The following TRIM9 variants were observed in gnomAD, a reference collection of about 807,000 sequenced individuals.
The protein encoded by TRIM9 is tripartite motif containing 9, also known as E3 ubiquitin-protein ligase TRIM9.
A neutral mutation model predicts 78.3 loss-of-function variants in TRIM9; 26 were observed. The observed-to-expected ratio is 0.33, with a 90% CI of 0.24 to 0.46. The LOEUF (loss-of-function observed/expected upper bound fraction) is 0.46. TRIM9 is among the 20% of genes least tolerant of loss of function. The pLI is 1.00. For synonymous variants in TRIM9, 398 were observed against 416.5 expected (o/e 0.96, Z 0.54); for missense variants, 787 against 1,036.4 (o/e 0.76, Z 3.30).
chr14:50,978,765 T>G, intron 12 of TRIM9: 1 of 419,158 alleles, frequency 2.4e-6, no homozygotes, highest in Non-Finnish European at 3.1e-6. Flanking sequence ...TCTGTTTTTT[T>G]GTTTTTTTTT....
At chr14:51,027,704 A>G (rs2058375586) in intron 1 of TRIM9, among the ~76,000 whole-genome samples, 1 of 152,218 alleles carries the variant, frequency 6.6e-6, no homozygotes, top group Admixed American at 6.5e-5. Context: ...TTTCTCCTCA[A>G]TAACTATTAA....
intron 1 of TRIM9, among the ~76,000 whole-genome samples, chr14:51,053,396 A>C (rs1379935802): frequency 1.3e-5 from 2 of 151,642 alleles, no homozygotes; most frequent in African/African-American, 4.8e-5. Flanking sequence ...AGATGCTTCA[A>C]CTCAAATGCA....
At chr14:51,021,549 C>G (rs2057761987) in intron 3 of TRIM9, among the ~76,000 whole-genome samples, 1 of 152,156 alleles carries the variant, frequency 6.6e-6, no homozygotes, top group Non-Finnish European at 1.5e-5. Flanking sequence ...TCTGAACCAC[C>G]TTCATGTCCC....
At chr14:50,999,479 G>A (rs1168937865) in intron 6 of TRIM9, among the ~76,000 whole-genome samples, 2 of 152,134 alleles carry the variant, frequency 1.3e-5, no homozygotes, top group African/African-American at 4.8e-5. Flanking sequence ...CAACATATAT[G>A]TAAATAAGGC....
intron 1 of TRIM9, among the ~76,000 whole-genome samples, chr14:51,091,959 T>C (rs1337164236): frequency 6.6e-6 from 1 of 152,180 alleles, no homozygotes. Context: ...TTTCTTTTGG[T>C]CTTAATAGAT....
At chr14:51,038,575 G>T (rs559436764) in intron 1 of TRIM9, among the ~76,000 whole-genome samples, 1 of 152,164 alleles carries the variant, frequency 6.6e-6, no homozygotes, top group Non-Finnish European at 1.5e-5. Context: ...CGACCACAAA[G>T]AATATAAAGA....
chr14:51,038,259 G>A (rs1453101935), intron 1 of TRIM9, among the ~76,000 whole-genome samples: 1 of 152,130 alleles, frequency 6.6e-6, no homozygotes, highest in Non-Finnish European at 1.5e-5. Flanking sequence ...TGAAAATGGA[G>A]GAAGGAAATG....
chr14:51,026,685 G>T (rs1221073418), intron 1 of TRIM9, among the ~76,000 whole-genome samples: 1 of 152,082 alleles, frequency 6.6e-6, no homozygotes, highest in African/African-American at 2.4e-5. Flanking sequence ...TACAAAGTTG[G>T]GCACTGACTC....
At chr14:51,044,351 T>G (rs779805542) in intron 1 of TRIM9, among the ~76,000 whole-genome samples, 15 of 152,162 alleles carry the variant, frequency 9.9e-5, no homozygotes, top group Non-Finnish European at 1.9e-4. Context: ...CCCATCCCTA[T>G]ATTATTCCAA....
At chr14:51,093,755 C>A (rs3007084) in intron 1 of TRIM9, among the ~76,000 whole-genome samples, 1 of 152,246 alleles carries the variant, frequency 6.6e-6, no homozygotes, top group Admixed American at 6.5e-5. Flanking sequence ...TGCCTAGCGG[C>A]CCTGGGCACT....
At chr14:51,040,312 C>CTGT (rs2059482580) in intron 1 of TRIM9, among the ~76,000 whole-genome samples, 1 of 152,164 alleles carries the variant, frequency 6.6e-6, no homozygotes, top group Non-Finnish European at 1.5e-5. Context: ...CACTCAGAGG[C>CTGT]TGTTACTGCA....
chr14:51,071,391 A>G (rs984658902), intron 1 of TRIM9, among the ~76,000 whole-genome samples: 8 of 145,702 alleles, frequency 5.5e-5, no homozygotes, highest in African/African-American at 2.0e-4. Flanking sequence ...AAAAAAGAAA[A>G]AAAAAAAAAA....
intron 1 of TRIM9, among the ~76,000 whole-genome samples, chr14:51,052,409 C>T (rs529823533): frequency 5.9e-5 from 9 of 152,228 alleles, no homozygotes; most frequent in African/African-American, 2.2e-4. Flanking sequence ...TGTAGGAATT[C>T]CTCTTCTCCT....
intron 1 of TRIM9, among the ~76,000 whole-genome samples, chr14:51,080,324 T>C (rs1039675501): frequency 3.3e-5 from 5 of 152,024 alleles, no homozygotes; most frequent in Non-Finnish European, 7.4e-5. Context: ...AATGTTAATG[T>C]AAACTTTGAT....
chr14:51,041,934 C>A (rs1483465598), intron 1 of TRIM9, among the ~76,000 whole-genome samples: 2 of 152,150 alleles, frequency 1.3e-5, no homozygotes, highest in Non-Finnish European at 2.9e-5. Flanking sequence ...TCCATGTAAC[C>A]TTGTATCGCC....
At chr14:51,074,221 C>T (rs1172405002) in intron 1 of TRIM9, among the ~76,000 whole-genome samples, 1 of 151,918 alleles carries the variant, frequency 6.6e-6, no homozygotes. Context: ...GAGTTCAAGA[C>T]CAGCCTGGGC....
chr14:51,050,577 C>T, intron 1 of TRIM9, among the ~76,000 whole-genome samples: 1 of 152,166 alleles, frequency 6.6e-6, no homozygotes, highest in East Asian at 1.9e-4. Flanking sequence ...TGTGACCCTC[C>T]AACAGCAGAG....
intron 1 of TRIM9, among the ~76,000 whole-genome samples, chr14:51,072,689 GCT>G (rs2062402027): frequency 6.6e-6 from 1 of 151,404 alleles, no homozygotes; most frequent in Non-Finnish European, 1.5e-5. Flanking sequence ...TATTTGAATA[GCT>G]CTTACTTTCA....
Position 51,022,904 on chromosome 14 carries a change from G to A in TRIM9, c.972C>T (p.Ile324=), listed in dbSNP as rs768863786. 3.7e-6 allele frequency: 6 copies of A among 1,614,024 alleles called. No homozygotes were observed. The highest frequency in any genetic ancestry group is 2.2e-5 in the South Asian group (2 of 91,080). ...GGGCTTTTCTTCTGTTGAGGGCATCGATGAGGGCATCACATTGGGCCACCA... is the reference window on the plus strand; with the variant it reads ...GGGCTTTTCTTCTGTTGAGGGCATCAATGAGGGCATCACATTGGGCCACCA... ...ACLVAQCDAL[I]DALNRRKAQL... The change falls in exon 3 of 13, where the codon ATC becomes ATT. Residue 324 remains isoleucine, a synonymous_variant. Coordinates refer to ENST00000684578, the MANE Select transcript of TRIM9 (RefSeq NM_001387360.1).
Sources: allele counts gnomAD v4.1 joint callset (sites outside exome capture counted in the v4.1 genomes callset), GRCh38; gene constraint gnomAD v4.1.1; transcripts MANE v1.5; gene names NCBI Gene and HGNC (gene_info 2026-07-23, HGNC 2026-07-21).